Variants in FAM83B observed in about 807,000 individuals in gnomAD.
FAM83B encodes the protein protein FAM83B.
FAM83B carries 26 observed loss-of-function variants against 38.8 expected under a neutral mutation model. That is an observed-to-expected ratio of 0.67 (90% CI 0.49 to 0.93). The LOEUF (loss-of-function observed/expected upper bound fraction) is 0.93, where lower values mean the gene tolerates loss of function less well. FAM83B is among the 40% of genes least tolerant of loss of function. FAM83B has a pLI of 0.00. For missense variants in FAM83B, 1,237 were observed against 1,197.3 expected (o/e 1.03, Z -0.49); for synonymous variants, 419 against 423.1 (o/e 0.99, Z 0.12).
intron 2 of FAM83B, among the ~76,000 whole-genome samples, chr6:54,897,719 T>C (rs977292149): frequency 9.2e-5 from 14 of 152,166 alleles, no homozygotes; most frequent in Non-Finnish European, 1.9e-4. Flanking sequence ...TGAAGATATC[T>C]AGAAGAAAAA....
At chr6:54,918,425 T>C (rs1476367471) in intron 2 of FAM83B, among the ~76,000 whole-genome samples, 1 of 152,128 alleles carries the variant, frequency 6.6e-6, no homozygotes, top group Non-Finnish European at 1.5e-5. Flanking sequence ...GGGTAATTTA[T>C]AAAGGAAAGA....
At chr6:54,884,085 C>CGA in intron 2 of FAM83B, among the ~76,000 whole-genome samples, 1 of 151,898 alleles carries the variant, frequency 6.6e-6, no homozygotes, top group East Asian at 1.9e-4. Flanking sequence ...GGGCGGATCA[C>CGA]GAGGTCAAGA....
intron 1 of FAM83B, among the ~76,000 whole-genome samples, chr6:54,851,802 T>C (rs577535613): frequency 0.031 from 4,618 of 149,368 alleles, 96 homozygotes; most frequent in Non-Finnish European, 0.047. Flanking sequence ...CGCCCGCCAC[T>C]ACGCCCGGCT....
At chr6:54,888,184 C>A (rs961176156) in intron 2 of FAM83B, among the ~76,000 whole-genome samples, 1 of 150,738 alleles carries the variant, frequency 6.6e-6, no homozygotes, top group African/African-American at 2.4e-5. Context: ...AGTACAAGGA[C>A]CTTTGAACAC....
chr6:54,913,303 A>T (rs548565625), intron 2 of FAM83B, among the ~76,000 whole-genome samples: 2 of 152,246 alleles, frequency 1.3e-5, no homozygotes, highest in African/African-American at 4.8e-5. Flanking sequence ...CTATTCTTCA[A>T]GTTATATTGT....
At chr6:54,938,808 G>A (rs1490885589) in intron 4 of FAM83B, among the ~76,000 whole-genome samples, 4 of 152,294 alleles carry the variant, frequency 2.6e-5, no homozygotes, top group South Asian at 2.1e-4. Flanking sequence ...CTCCCACTCT[G>A]TGGGCTGTCT....
chr6:54,869,782 T>A (rs7743413), intron 1 of FAM83B, among the ~76,000 whole-genome samples: 2 of 152,020 alleles, frequency 1.3e-5, no homozygotes, highest in African/African-American at 4.8e-5. Context: ...GTAATGTTTT[T>A]TGCGTACAAT....
intron 2 of FAM83B, among the ~76,000 whole-genome samples, chr6:54,916,334 T>G (rs1459775634): frequency 6.6e-6 from 1 of 152,114 alleles, no homozygotes; most frequent in Non-Finnish European, 1.5e-5. Flanking sequence ...CCATGGATAA[T>G]TACATTACTG....
chr6:54,927,078 C>T (rs1215725180), intron 3 of FAM83B, among the ~76,000 whole-genome samples: 1 of 152,100 alleles, frequency 6.6e-6, no homozygotes, highest in Non-Finnish European at 1.5e-5. Flanking sequence ...ATATTTAATA[C>T]ATCAGTTTTG....
chr6:54,926,591 T>C (rs72957237), intron 3 of FAM83B, 56 bp downstream of exon 3: 83,270 of 1,362,830 alleles, frequency 0.061, 2,976 homozygotes, highest in Non-Finnish European at 0.072. Context: ...TTCAACTCAG[T>C]CAAATGTAAG....
chr6:54,940,929 A>G lies in FAM83B; in HGVS notation c.1958A>G (p.Asn653Ser), dbSNP rs761600722. ...AATAAGCAGACAGAAAATCTAAAGA[A>G]TCAACAGACTGAGAATCTACTTAAA... is the stretch of plus-strand genomic sequence containing the variant. ...GVNKQTENLK[N>S]QQTENLLKRR... Residue 653 changes from asparagine (N) to serine (S), a missense_variant, in exon 5 of 5, where the codon AAT (asparagine) becomes AGT (serine). Physicochemically the swap from Asn to Ser is conservative, Grantham distance 46. Coordinates refer to ENST00000306858, the MANE Select transcript of FAM83B (RefSeq NM_001010872.3). 3.1e-6 allele frequency: 5 copies of G among 1,613,442 alleles called. No individual in the cohort carries two copies.
At chr6:54,923,070 C>A (rs143871299) in intron 2 of FAM83B, among the ~76,000 whole-genome samples, 2 of 151,984 alleles carry the variant, frequency 1.3e-5, no homozygotes, top group African/African-American at 2.4e-5. Flanking sequence ...GTATATGGAG[C>A]CCTTATGTAC....
At position 54,870,256 on chromosome 6, in the gene FAM83B, T is replaced by A. The variant is rs1312696719; in HGVS notation, c.10T>A (p.Ser4Thr). The A allele has an allele frequency of 6.2e-7, 1 of 1,611,330 alleles. No individual in the cohort carries two copies. The highest frequency in any genetic ancestry group is 8.5e-7 in the Non-Finnish European group (1 of 1,177,620). The change falls in exon 2 of 5, where the codon TCA (serine) becomes ACA (threonine). Residue 4 changes from serine (S) to threonine (T), a missense_variant. Transcript: ENST00000306858. ...CCAAACACTTGCAAGCATGGAGACC[T>A]CATCAATGCTTTCCTCATTGAATGA... MET[S>T]SMLSSLNDEC...
chr6:54,905,624 G>C (rs748863550), intron 2 of FAM83B, among the ~76,000 whole-genome samples: 1 of 152,062 alleles, frequency 6.6e-6, no homozygotes, highest in Admixed American at 6.5e-5. Flanking sequence ...CTTTGTGTGT[G>C]TAAAAAAGTC....
intron 2 of FAM83B, among the ~76,000 whole-genome samples, chr6:54,885,125 T>A (rs573898630): frequency 6.6e-6 from 1 of 152,250 alleles, no homozygotes; most frequent in East Asian, 1.9e-4. Context: ...CTTTTGCTTT[T>A]CTGTAGGAAT....
At chr6:54,910,976 C>A (rs969623334) in intron 2 of FAM83B, among the ~76,000 whole-genome samples, 3 of 152,104 alleles carry the variant, frequency 2.0e-5, no homozygotes, top group Admixed American at 6.6e-5. Context: ...CTAAGATGAT[C>A]TCAGCTTTGT....
At chr6:54,926,325 T>C in intron 2 of FAM83B, 46 bp from the exon 3 acceptor site, 2 of 1,308,034 alleles carry the variant, frequency 1.5e-6, no homozygotes, top group Non-Finnish European at 2.1e-6. Context: ...CTTAAATCTT[T>C]CTCTATCAAG....
rs186802253 is a variant in FAM83B, at chr6:54,883,036, C to T, written c.444+12346C>T. 7.9e-5 allele frequency among the ~76,000 whole-genome samples: 12 copies of T among 152,230 alleles called. No homozygotes were observed. The East Asian group carries it at 9.7e-4, about 12-fold the overall frequency. On this transcript the variant is annotated intron_variant, in intron 2 of 4. Coordinates refer to ENST00000306858, the MANE Select transcript of FAM83B (RefSeq NM_001010872.3). ...TCAGCTCACTGCAAGCTCCGCCTCC[C>T]GGGAGCTTCTCCTGCCTCAGCCTCC...
chr6:54,859,925 T>C (rs1272533429), intron 1 of FAM83B, among the ~76,000 whole-genome samples: 6 of 152,166 alleles, frequency 3.9e-5, no homozygotes, highest in Non-Finnish European at 8.8e-5. Flanking sequence ...TTTTAAAAAA[T>C]CTTTCCCCAT....
Sources: gnomAD v4.1 joint callset for allele counts (sites outside exome capture counted in the v4.1 genomes callset) on GRCh38, gnomAD v4.1.1 for gene constraint, MANE v1.5 for transcripts, NCBI Gene and HGNC (gene_info 2026-07-23, HGNC 2026-07-21) for gene names.